ADCY1: variants seen among roughly 807,000 people sequenced by gnomAD.
ADCY1 encodes adenylate cyclase 1, also known as adenylate cyclase type 1.
In ADCY1, 28 loss-of-function variants were observed where a neutral mutation model predicts 105.4. That is an observed-to-expected ratio of 0.27 (90% CI 0.20 to 0.36). The LOEUF is 0.36. Ranked by LOEUF, ADCY1 falls within the 10% of genes least tolerant of loss-of-function variation. The pLI is 1.00. For missense variants in ADCY1, 977 were observed against 1,434.2 expected (o/e 0.68, Z 5.15); for synonymous variants, 655 against 623.8 (o/e 1.05, Z -0.75).
Position 45,659,568 on chromosome 7 carries a change from C to G in ADCY1, c.1308-474C>G, listed in dbSNP as rs562610074. ...ACAGCGTTTCTTACCACCCTGCTTC[C>G]CACCCCACCTCATGTGTGAACACCG... On this transcript the variant is annotated intron_variant, in intron 6 of 19. Coordinates refer to ENST00000297323, the MANE Select transcript of ADCY1 (RefSeq NM_021116.4). Among the ~76,000 whole-genome samples the G allele has an allele frequency of 4.6e-5, 7 of 152,264 alleles. No individual in the cohort carries two copies. In the South Asian group the frequency reaches 1.5e-3, roughly 32 times the overall value.
rs1409339091 is a variant in ADCY1 at position 45,703,064 on chromosome 7, AAG to A, written c.2455-309_2455-308del. Among the ~76,000 whole-genome samples, 1 of 152,188 alleles carries A rather than the reference AAG, an allele frequency of 6.6e-6. No homozygotes were observed. Among genetic ancestry groups the A allele is most frequent in the Non-Finnish European group, 1.5e-5 (1 of 68,028 alleles). ...CCTGTGGATGGGCACATGCCTGAGA[AAG>A]AGTTGCTGTAGCATCTGGTCCCTAA... On this transcript the variant is annotated intron_variant, in intron 14 of 19. Coordinates refer to ENST00000297323, the MANE Select transcript of ADCY1 (RefSeq NM_021116.4). The surrounding 1 kb of genome is among the most constrained non-coding windows in gnomAD (Gnocchi z 5.9).
intron 4 of ADCY1, among the ~76,000 whole-genome samples, chr7:45,633,896 T>A (rs1794330160): frequency 6.6e-6 from 1 of 151,990 alleles, no homozygotes; most frequent in African/African-American, 2.4e-5. Flanking sequence ...CCTAAATAGA[T>A]ACTAGCCTAT....
At chr7:45,581,881 C>T (rs1792557511) in intron 1 of ADCY1, among the ~76,000 whole-genome samples, 2 of 152,064 alleles carry the variant, frequency 1.3e-5, no homozygotes, top group African/African-American at 4.8e-5. Flanking sequence ...ACACAAAAAT[C>T]CTCCCAGATG....
At chr7:45,615,239 G>T (rs778921915) in intron 3 of ADCY1, among the ~76,000 whole-genome samples, 62 of 152,164 alleles carry the variant, frequency 4.1e-4, no homozygotes, top group Non-Finnish European at 8.7e-4. Context: ...TCATAAATGT[G>T]TTGAAATTAA....
chr7:45,662,922 C>G (rs1315076607), intron 8 of ADCY1, among the ~76,000 whole-genome samples: 1 of 152,222 alleles, frequency 6.6e-6, no homozygotes, highest in African/African-American at 2.4e-5. Context: ...ATCTGCCCCC[C>G]AGACAGGGCT....
chr7:45,703,666 T>G lies in ADCY1; in HGVS notation c.2638T>G (p.Phe880Val). Residue 880 changes from phenylalanine to valine, a missense_variant, in exon 16 of 20, where the codon TTC (phenylalanine) becomes GTC (valine). Phe to Val is a conservative substitution (Grantham distance 50). Coordinates refer to ENST00000297323, the MANE Select transcript of ADCY1 (RefSeq NM_021116.4). This position sits in a 1 kb window ranked among gnomAD's most constrained non-coding sequence, Gnocchi z 5.9. ...TGCCTCCATCCCCAACTTCAATGAC[T>G]TCTACATCGAGCTGGACGGCAACAA... ...MFASIPNFND[F>V]YIELDGNNMG... The G allele has an allele frequency of 6.2e-7, 1 of 1,613,352 alleles. No individual in the cohort carries two copies. Among genetic ancestry groups the G allele is most frequent in the Non-Finnish European group, 8.5e-7 (1 of 1,179,660 alleles).
At chr7:45,659,988 A>T in intron 6 of ADCY1, 54 bp from the exon 7 acceptor site, 2 of 1,607,508 alleles carry the variant, frequency 1.2e-6, no homozygotes, top group Non-Finnish European at 1.7e-6. Context: ...GGCCCTGCAG[A>T]CTCTGACAGC....
At chr7:45,695,052 G>A (rs1784853947) in intron 14 of ADCY1, among the ~76,000 whole-genome samples, 2 of 152,190 alleles carry the variant, frequency 1.3e-5, no homozygotes, top group African/African-American at 4.8e-5. Context: ...CTCTAGCCTT[G>A]TCAAATCTGG....
chr7:45,648,812 G>C lies in ADCY1; in HGVS notation c.1148+15G>C, dbSNP rs199602800. 275 of 1,611,670 alleles carry C rather than the reference G, an allele frequency of 1.7e-4. No homozygotes were observed. The Middle Eastern group carries it at 2.3e-3, about 14-fold the overall frequency. On this transcript the variant is annotated intron_variant, in intron 5 of 19. Transcript: ENST00000297323. ...GATACCATCACGTAAGTACCCCGTG[G>C]GGCTGAGAGGAGTGGCCTGGGGCAT...
At chr7:45,617,577 G>A (rs1361665215) in intron 3 of ADCY1, among the ~76,000 whole-genome samples, 1 of 152,134 alleles carries the variant, frequency 6.6e-6, no homozygotes, top group East Asian at 1.9e-4. Context: ...ATCAATGTAC[G>A]AAAATCAGTA....
intron 8 of ADCY1, among the ~76,000 whole-genome samples, chr7:45,663,481 G>A (rs1292545335): frequency 1.3e-5 from 2 of 152,190 alleles, no homozygotes; most frequent in Non-Finnish European, 1.5e-5. Flanking sequence ...CCTCTAGGTG[G>A]CGGTGTTGCA....
At chr7:45,585,371 G>T (rs1792686981) in intron 1 of ADCY1, among the ~76,000 whole-genome samples, 2 of 151,394 alleles carry the variant, frequency 1.3e-5, no homozygotes, top group Admixed American at 1.3e-4. Context: ...GATGTTTCAT[G>T]AGCACTGACC....
intron 2 of ADCY1, among the ~76,000 whole-genome samples, chr7:45,603,102 G>A (rs1277329147): frequency 6.6e-6 from 1 of 152,176 alleles, no homozygotes; most frequent in East Asian, 1.9e-4. Context: ...TTAGCATAAT[G>A]TTTTTGAGGT....
At chr7:45,663,761 G>A (rs1021352372) in intron 8 of ADCY1, among the ~76,000 whole-genome samples, 3 of 152,112 alleles carry the variant, frequency 2.0e-5, no homozygotes, top group Non-Finnish European at 2.9e-5. Context: ...GGAGGTTGCA[G>A]TGAGCCGAGA....
Position 45,591,520 on chromosome 7 carries a change from CGGAGCCTGCAGGTTTCTGCTCCCTGGGA to C in ADCY1, c.640-1237_640-1210del, listed in dbSNP as rs1792916417. 6.6e-6 allele frequency among the ~76,000 whole-genome samples: 1 copy of C among 152,208 alleles called. No homozygotes were observed. The highest frequency in any genetic ancestry group is 1.5e-5 in the Non-Finnish European group (1 of 68,038). On this transcript the variant is annotated intron_variant, in intron 1 of 19. Transcript: ENST00000297323. This position sits in a 1 kb window ranked among gnomAD's most constrained non-coding sequence, Gnocchi z 4.1. Reference sequence around the variant, plus strand: ...TTAATCTGTGTGGAGCAGTGACAGCCGGAGCCTGCAGGTTTCTGCTCCCTGGGAGACAGGTAGAAATGCCTGGGCTTAA... The same window carrying C: ...TTAATCTGTGTGGAGCAGTGACAGCCGACAGGTAGAAATGCCTGGGCTTAA...
In ADCY1 at chr7:45,574,789, C is replaced by G. The variant is rs758855790; in HGVS notation, c.246C>G (p.Gly82=). 6.5e-7 allele frequency: 1 copy of G among 1,536,782 alleles called. No homozygotes were observed. Among genetic ancestry groups the G allele is most frequent in the Admixed American group, 2.0e-5 (1 of 49,296 alleles). Residue 82 remains glycine (G), a synonymous_variant, in exon 1 of 20, where the codon GGC becomes GGG. Coordinates refer to ENST00000297323, the MANE Select transcript of ADCY1 (RefSeq NM_021116.4). The surrounding 1 kb of genome is among the most constrained non-coding windows in gnomAD (Gnocchi z 7.0). ...AGALALAELL[G]APGPAPGLAK... is the part of the protein sequence containing the mutation. ...CGCTGGCGCTGGCCGAGCTGCTGGGCGCGCCGGGGCCCGCGCCCGGCCTGG... is the reference window on the plus strand; with the variant it reads ...CGCTGGCGCTGGCCGAGCTGCTGGGGGCGCCGGGGCCCGCGCCCGGCCTGG...
chr7:45,687,817 G>A (rs1041084122), intron 14 of ADCY1, among the ~76,000 whole-genome samples: 2 of 152,282 alleles, frequency 1.3e-5, no homozygotes, highest in South Asian at 2.1e-4. Flanking sequence ...TGATCTTTGG[G>A]TAGGCTCTGA....
At position 45,602,102 on chromosome 7, in the gene ADCY1, T is replaced by A. The variant is rs140305800; in HGVS notation, c.790-8277T>A. On this transcript the variant is annotated intron_variant, in intron 2 of 19. Coordinates refer to ENST00000297323, the MANE Select transcript of ADCY1 (RefSeq NM_021116.4). ...CAGGTAGAGGCAGGGAGGTGGGAAC[T>A]GGAGGAGGCATTCAGGCAGCAAATT... Among the ~76,000 whole-genome samples, 228 of 151,946 alleles carry A rather than the reference T, an allele frequency of 1.5e-3. 2 individuals carry two copies. The highest frequency in any genetic ancestry group is 5.3e-3 in the African/African-American group (221 of 41,442).
At chr7:45,694,156 CTTAA>C (rs1175171901) in intron 14 of ADCY1, among the ~76,000 whole-genome samples, 2 of 146,252 alleles carry the variant, frequency 1.4e-5, no homozygotes, top group Non-Finnish European at 3.0e-5. Flanking sequence ...ACCAACTTGA[CTTAA>C]TTGACATTTA....
Sources: gnomAD v4.1 joint callset for allele counts (sites outside exome capture counted in the v4.1 genomes callset) on GRCh38, gnomAD v4.1.1 for gene constraint, Gnocchi (gnomAD v3.1) non-coding constraint, MANE v1.5 for transcripts, NCBI Gene and HGNC (gene_info 2026-07-23, HGNC 2026-07-21) for gene names.